Variants in WWOX observed in about 807,000 individuals in gnomAD.
WWOX encodes the protein WW domain containing oxidoreductase.
Under a neutral mutation model 46.2 loss-of-function variants are expected in WWOX, and 69 were observed. That is an observed-to-expected ratio of 1.49 (90% CI 1.23 to 1.82). The LOEUF is 1.82. Among genes scored for constraint, WWOX ranks in the 40% most tolerant of loss-of-function variants. The pLI, the probability that WWOX is intolerant of heterozygous loss-of-function variation, is 0.00. For missense variants in WWOX, 919 were observed against 542.6 expected, an observed-to-expected ratio of 1.69 and a Z score of -6.89; for synonymous variants, 359 against 202.6, an observed-to-expected ratio of 1.77 and a Z score of -6.56.
At chr16:79,190,430 T>G (rs1390170124) in intron 8 of WWOX, among the ~76,000 whole-genome samples, 1 of 152,158 alleles carries the variant, frequency 6.6e-6, no homozygotes, top group Non-Finnish European at 1.5e-5. Context: ...CACTGGACTT[T>G]GGAATATTCG....
chr16:78,405,147 A>C (rs2082497383), intron 6 of WWOX, among the ~76,000 whole-genome samples: 1 of 152,186 alleles, frequency 6.6e-6, no homozygotes, highest in African/African-American at 2.4e-5. Flanking sequence ...TGACAAAAAC[A>C]AGAGTATTTC....
intron 8 of WWOX, among the ~76,000 whole-genome samples, chr16:78,830,400 C>T (rs1597686771): frequency 6.6e-6 from 1 of 152,128 alleles, no homozygotes; most frequent in African/African-American, 2.4e-5. Flanking sequence ...GGGGGTTTTT[C>T]TCACTGGTTT....
chr16:78,316,983 G>A (rs2151880299), intron 5 of WWOX, among the ~76,000 whole-genome samples: 1 of 152,326 alleles, frequency 6.6e-6, no homozygotes, highest in South Asian at 2.1e-4. Flanking sequence ...CTGAATGCTG[G>A]AAGTGCAAAG....
intron 5 of WWOX, among the ~76,000 whole-genome samples, chr16:78,317,870 C>G (rs182886215): frequency 1.3e-5 from 2 of 152,294 alleles, no homozygotes; most frequent in Admixed American, 1.3e-4. Flanking sequence ...TTTCACTCCC[C>G]GTAAACATCT....
intron 8 of WWOX, among the ~76,000 whole-genome samples, chr16:78,888,018 A>G (rs1175403870): frequency 6.6e-6 from 1 of 152,244 alleles, no homozygotes; most frequent in African/African-American, 2.4e-5. Context: ...CAGAGAGGAC[A>G]GGTGCATTAG....
chr16:78,407,183 G>T (rs2082568596), intron 6 of WWOX, among the ~76,000 whole-genome samples: 1 of 152,068 alleles, frequency 6.6e-6, no homozygotes, highest in Non-Finnish European at 1.5e-5. Context: ...CCCTTTTCTG[G>T]GAGGAAAGAC....
chr16:78,460,272 C>T (rs767898651), intron 8 of WWOX, among the ~76,000 whole-genome samples: 26 of 152,164 alleles, frequency 1.7e-4, no homozygotes, highest in South Asian at 4.1e-4. Flanking sequence ...GTTTTGCAGG[C>T]ATGCACCACC....
At chr16:78,172,535 C>T (rs567698578) in intron 5 of WWOX, among the ~76,000 whole-genome samples, 49 of 151,936 alleles carry the variant, frequency 3.2e-4, no homozygotes, top group African/African-American at 1.1e-3. Flanking sequence ...AATTTTGCAC[C>T]GACTTAGTCT....
At chr16:79,167,431 C>G (rs980310993) in intron 8 of WWOX, among the ~76,000 whole-genome samples, 1 of 152,052 alleles carries the variant, frequency 6.6e-6, no homozygotes, top group African/African-American at 2.4e-5. Context: ...TCAGATGGCT[C>G]TGACCTTGGA....
intron 8 of WWOX, among the ~76,000 whole-genome samples, chr16:79,047,121 TATTC>T (rs895798628): frequency 3.3e-5 from 5 of 152,328 alleles, no homozygotes; most frequent in East Asian, 3.9e-4. Flanking sequence ...TTCACATATG[TATTC>T]ATTCATTCAT....
At chr16:78,885,751 T>G (rs1484637296) in intron 8 of WWOX, among the ~76,000 whole-genome samples, 1 of 152,152 alleles carries the variant, frequency 6.6e-6, no homozygotes, top group African/African-American at 2.4e-5. Flanking sequence ...AGTTTTTTTT[T>G]TAACTGATAG....
At chr16:78,814,412 A>C (rs187370602) in intron 8 of WWOX, among the ~76,000 whole-genome samples, 238 of 152,274 alleles carry the variant, frequency 1.6e-3, no homozygotes, top group African/African-American at 5.5e-3. Context: ...ATGTTTCTGT[A>C]ATCCTTACAT....
At chr16:78,715,827 A>T (rs376431187) in intron 8 of WWOX, among the ~76,000 whole-genome samples, 1 of 151,634 alleles carries the variant, frequency 6.6e-6, no homozygotes, top group South Asian at 2.1e-4. Context: ...GAATCTATCA[A>T]CTCCCTTCTG....
intron 8 of WWOX, among the ~76,000 whole-genome samples, chr16:78,886,889 A>C (rs921689580): frequency 6.6e-5 from 10 of 152,238 alleles, no homozygotes; most frequent in African/African-American, 2.4e-4. Context: ...ATACAGGGGC[A>C]AGGCTACTTT....
intron 5 of WWOX, among the ~76,000 whole-genome samples, chr16:78,307,097 C>G (rs538124461): frequency 7.9e-5 from 12 of 152,170 alleles, no homozygotes; most frequent in East Asian, 1.9e-4. Flanking sequence ...CTTGTTTTCA[C>G]TGGGATTTCT....
chr16:78,453,348 G>A (rs1302580833), intron 8 of WWOX, among the ~76,000 whole-genome samples: 3 of 151,784 alleles, frequency 2.0e-5, no homozygotes, highest in African/African-American at 2.4e-5. Context: ...GTTTGAACCC[G>A]AGAGGTGGAG....
intron 8 of WWOX, among the ~76,000 whole-genome samples, chr16:78,753,278 C>T (rs551099629): frequency 2.0e-5 from 3 of 151,526 alleles, no homozygotes; most frequent in Non-Finnish European, 2.9e-5. Flanking sequence ...CCAGCCTGGG[C>T]GACAGACTCC....
At chr16:78,622,592 T>C (rs2738568) in intron 8 of WWOX, among the ~76,000 whole-genome samples, 90,578 of 151,254 alleles carry the variant, frequency 0.6, 27,948 homozygotes, top group Middle Eastern at 0.73. Flanking sequence ...GTTTGACAGA[T>C]GGACCCTAAG....
intron 8 of WWOX, among the ~76,000 whole-genome samples, chr16:78,894,341 C>G (rs2044655420): frequency 6.6e-6 from 1 of 152,188 alleles, no homozygotes; most frequent in South Asian, 2.1e-4. Context: ...CTTTGCTTCT[C>G]TCCAGCACAG....
Sources: gnomAD v4.1 joint callset for allele counts (sites outside exome capture counted in the v4.1 genomes callset) on GRCh38, gnomAD v4.1.1 for gene constraint, MANE v1.5 for transcripts, NCBI Gene and HGNC (gene_info 2026-07-23, HGNC 2026-07-21) for gene names.